L3MBTL4: variants seen among roughly 807,000 people sequenced by gnomAD.
L3MBTL4 encodes L3MBTL histone methyl-lysine binding protein 4, also known as lethal(3)malignant brain tumor-like protein 4.
L3MBTL4 carries 70 observed loss-of-function variants against 84.5 expected under a neutral mutation model. The observed-to-expected ratio is 0.83, with a 90% CI of 0.68 to 1.01. L3MBTL4 has a LOEUF of 1.01. Ranked by LOEUF, L3MBTL4 falls within the 50% of genes least tolerant of loss-of-function variation. The probability of loss-of-function intolerance (pLI) is 0.00; values close to 1 mark genes in which losing one functional copy is unlikely to be tolerated. For synonymous variants in L3MBTL4, 274 were observed against 259.8 expected (o/e 1.05, Z -0.52); for missense variants, 715 against 754.8 (o/e 0.95, Z 0.62).
chr18:6,354,346 G>C (rs897576146), intron 1 of L3MBTL4, among the ~76,000 whole-genome samples: 2 of 152,046 alleles, frequency 1.3e-5, no homozygotes, highest in African/African-American at 4.8e-5. Flanking sequence ...GAAAACATCA[G>C]CGAAACTCTC....
At chr18:6,325,286 G>T (rs1025191176) in intron 1 of L3MBTL4, among the ~76,000 whole-genome samples, 7 of 152,128 alleles carry the variant, frequency 4.6e-5, no homozygotes, top group African/African-American at 1.7e-4. Context: ...AATCAACTGC[G>T]ACTACATATG....
At chr18:6,190,715 T>C (rs1377381130) in intron 12 of L3MBTL4, among the ~76,000 whole-genome samples, 4 of 152,180 alleles carry the variant, frequency 2.6e-5, no homozygotes, top group African/African-American at 4.8e-5. Context: ...AAGTGAATGT[T>C]TTGCATATTA....
At chr18:6,169,650 AG>A (rs991544795) in intron 13 of L3MBTL4, among the ~76,000 whole-genome samples, 5 of 130,054 alleles carry the variant, frequency 3.8e-5, no homozygotes, top group African/African-American at 5.9e-5. Flanking sequence ...GGACACAGGA[AG>A]GGGAACATCA....
At chr18:6,115,448 G>T (rs1400010358) in intron 14 of L3MBTL4, among the ~76,000 whole-genome samples, 1 of 152,158 alleles carries the variant, frequency 6.6e-6, no homozygotes, top group Non-Finnish European at 1.5e-5. Flanking sequence ...GGTTAATAAT[G>T]ACATCTCACT....
chr18:5,990,003 G>C (rs2053620330), intron 16 of L3MBTL4, among the ~76,000 whole-genome samples: 1 of 152,190 alleles, frequency 6.6e-6, no homozygotes, highest in Non-Finnish European at 1.5e-5. Flanking sequence ...GGTGGCGTGA[G>C]ATGAGCTTGC....
chr18:6,190,105 A>C (rs977435374), intron 12 of L3MBTL4, among the ~76,000 whole-genome samples: 7 of 152,240 alleles, frequency 4.6e-5, no homozygotes, highest in African/African-American at 1.4e-4. Context: ...TAAGGCAAAA[A>C]CAAAAGATAT....
chr18:6,327,681 A>G (rs888941160), intron 1 of L3MBTL4, among the ~76,000 whole-genome samples: 2 of 152,212 alleles, frequency 1.3e-5, no homozygotes, highest in African/African-American at 4.8e-5. Flanking sequence ...TGTAATTGCA[A>G]TGCTTCACTT....
At chr18:6,150,470 C>T (rs748264117) in intron 13 of L3MBTL4, among the ~76,000 whole-genome samples, 18 of 152,138 alleles carry the variant, frequency 1.2e-4, no homozygotes, top group Middle Eastern at 6.8e-3. Context: ...CACAATTACA[C>T]AATGTATAAT....
chr18:6,153,350 T>C (rs1488397684), intron 13 of L3MBTL4, among the ~76,000 whole-genome samples: 2 of 152,196 alleles, frequency 1.3e-5, no homozygotes, highest in Non-Finnish European at 2.9e-5. Flanking sequence ...TCCACGAATA[T>C]GGGATATCTT....
intron 16 of L3MBTL4, among the ~76,000 whole-genome samples, chr18:5,993,997 A>G (rs1292966872): frequency 6.6e-6 from 1 of 152,208 alleles, no homozygotes; most frequent in Non-Finnish European, 1.5e-5. Flanking sequence ...AAACAAAATC[A>G]CCAGAGCCTC....
At chr18:6,379,859 T>C (rs2054526064) in intron 1 of L3MBTL4, among the ~76,000 whole-genome samples, 1 of 152,240 alleles carries the variant, frequency 6.6e-6, no homozygotes, top group Non-Finnish European at 1.5e-5. Context: ...ATTCTCTCTT[T>C]TTCTATTGAT....
intron 3 of L3MBTL4, among the ~76,000 whole-genome samples, chr18:6,305,962 CT>C (rs376363222): frequency 5.1e-4 from 77 of 152,310 alleles, no homozygotes; most frequent in African/African-American, 1.8e-3. Context: ...GATAATACCC[CT>C]TTGCTCTCCT....
chr18:5,964,426 T>C (rs1007645186), intron 17 of L3MBTL4, among the ~76,000 whole-genome samples: 3 of 152,216 alleles, frequency 2.0e-5, no homozygotes, highest in African/African-American at 7.2e-5. Context: ...CCTGTAGATA[T>C]GTGCCTGACT....
At chr18:6,371,685 A>T (rs531768065) in intron 1 of L3MBTL4, among the ~76,000 whole-genome samples, 1 of 152,342 alleles carries the variant, frequency 6.6e-6, no homozygotes, top group East Asian at 1.9e-4. Context: ...ATGCTTAGAG[A>T]ACTTTCCTAA....
chr18:6,232,219 T>C (rs1419928172), intron 10 of L3MBTL4, among the ~76,000 whole-genome samples: 2 of 152,200 alleles, frequency 1.3e-5, no homozygotes, highest in Non-Finnish European at 2.9e-5. Flanking sequence ...CATCCTTGCA[T>C]TTCAGTAATA....
At chr18:6,105,530 G>A (rs943186793) in intron 14 of L3MBTL4, among the ~76,000 whole-genome samples, 2 of 151,704 alleles carry the variant, frequency 1.3e-5, no homozygotes, top group African/African-American at 4.8e-5. Context: ...AGGGCGCAGT[G>A]GCTCACGCCT....
chr18:6,121,049 T>G lies in L3MBTL4; in HGVS notation c.1199+17145A>C, dbSNP rs546470758. Among the ~76,000 whole-genome samples the G allele has an allele frequency of 1.3e-4, 20 of 152,258 alleles. No homozygotes were observed. The East Asian group carries it at 2.9e-3, about 22-fold the overall frequency. On this transcript the variant is annotated intron_variant, in intron 14 of 18. Coordinates refer to ENST00000317931, the MANE Select transcript of L3MBTL4 (RefSeq NM_001330559.2). ...ACTAGATAAGTGATGTTTACAACAT[T>G]CTATAAAAAAGCCCCAAGGTCAAGT...
chr18:6,394,464 T>C (rs2055190434), intron 1 of L3MBTL4, among the ~76,000 whole-genome samples: 1 of 152,016 alleles, frequency 6.6e-6, no homozygotes, highest in East Asian at 1.9e-4. Flanking sequence ...CAAGACTCTG[T>C]CTCAAAAAAT....
intron 16 of L3MBTL4, among the ~76,000 whole-genome samples, chr18:6,047,155 T>G (rs1423031312): frequency 1.3e-5 from 2 of 152,118 alleles, no homozygotes; most frequent in East Asian, 3.9e-4. Context: ...TAGAGGAAAC[T>G]GATGTATTCC....
Sources: allele counts gnomAD v4.1 joint callset (sites outside exome capture counted in the v4.1 genomes callset), GRCh38; gene constraint gnomAD v4.1.1; transcripts MANE v1.5; gene names NCBI Gene and HGNC (gene_info 2026-07-23, HGNC 2026-07-21).